SRGAP1: variants seen among roughly 807,000 people sequenced by gnomAD.
The protein encoded by SRGAP1 is SLIT-ROBO Rho GTPase-activating protein 1.
In SRGAP1, 43 loss-of-function variants were observed where a neutral mutation model predicts 121.9. The ratio of observed to expected loss-of-function variants is 0.35; its 90% CI spans 0.28 to 0.46. The LOEUF is 0.46. Ranked by LOEUF, SRGAP1 falls within the 20% of genes least tolerant of loss-of-function variation. The pLI is 1.00. For missense variants in SRGAP1, 1,102 were observed against 1,350.9 expected, an observed-to-expected ratio of 0.82 and a Z score of 2.89; for synonymous variants, 447 against 485.4, an observed-to-expected ratio of 0.92 and a Z score of 1.04.
intron 15 of SRGAP1, among the ~76,000 whole-genome samples, chr12:64,103,497 T>C (rs1261031342): frequency 2.0e-5 from 3 of 152,228 alleles, no homozygotes; most frequent in Admixed American, 2.0e-4. Flanking sequence ...TAAATTTATT[T>C]GCCTTTTCTG....
At chr12:64,006,380 C>G (rs1321484712) in intron 3 of SRGAP1, among the ~76,000 whole-genome samples, 1 of 152,178 alleles carries the variant, frequency 6.6e-6, no homozygotes, top group Non-Finnish European at 1.5e-5. Context: ...GCTCACATCT[C>G]TTACCCAGCT....
intron 3 of SRGAP1, among the ~76,000 whole-genome samples, chr12:64,006,685 T>C (rs1165842583): frequency 6.6e-6 from 1 of 152,162 alleles, no homozygotes; most frequent in African/African-American, 2.4e-5. Flanking sequence ...TATCCTATCA[T>C]GTGAGTTGTG....
At chr12:63,900,333 G>A (rs1900909142) in intron 1 of SRGAP1, among the ~76,000 whole-genome samples, 1 of 150,764 alleles carries the variant, frequency 6.6e-6, no homozygotes, top group South Asian at 2.1e-4. Flanking sequence ...AGCCTCCTGA[G>A]TAGCTGGGAC....
At chr12:64,115,515 T>C (rs907964501) in intron 17 of SRGAP1, among the ~76,000 whole-genome samples, 1 of 152,170 alleles carries the variant, frequency 6.6e-6, no homozygotes, top group Admixed American at 6.5e-5. Flanking sequence ...ATCCTGGCAC[T>C]TTGGGAGATC....
At chr12:63,891,686 C>G (rs1449486758) in intron 1 of SRGAP1, among the ~76,000 whole-genome samples, 1 of 151,632 alleles carries the variant, frequency 6.6e-6, no homozygotes, top group Admixed American at 6.6e-5. Flanking sequence ...ATCTATGTCC[C>G]CCTTGAAAAA....
intron 18 of SRGAP1, among the ~76,000 whole-genome samples, chr12:64,120,135 T>C (rs1349918455): frequency 6.6e-6 from 1 of 152,194 alleles, no homozygotes; most frequent in Non-Finnish European, 1.5e-5. Context: ...CTTGATCATT[T>C]TTTATAGTCT....
intron 6 of SRGAP1, among the ~76,000 whole-genome samples, chr12:64,053,297 A>C (rs1010004620): frequency 1.3e-5 from 2 of 152,202 alleles, no homozygotes; most frequent in African/African-American, 2.4e-5. Context: ...CATAGATAAT[A>C]AGTAAGCAAA....
chr12:63,996,427 T>G (rs1489079758), intron 3 of SRGAP1, among the ~76,000 whole-genome samples: 1 of 152,102 alleles, frequency 6.6e-6, no homozygotes, highest in Non-Finnish European at 1.5e-5. Context: ...CATTTAAATC[T>G]ATGATTTTTT....
chr12:64,056,025 T>A (rs2035333526), intron 6 of SRGAP1, among the ~76,000 whole-genome samples: 1 of 151,414 alleles, frequency 6.6e-6, no homozygotes, highest in Admixed American at 6.6e-5. Flanking sequence ...ACTATTTATA[T>A]CCATTCGCCC....
chr12:64,154,918 C>CCT lies in SRGAP1; in HGVS notation c.*12247_*12248insTC, dbSNP rs1157894142. On this transcript the variant is annotated 3_prime_UTR_variant, in exon 22 of 22. Transcript: ENST00000355086. ...GAGCAGCCAGGGCGGAGGAGGAAAACCAGGAGGAGCATGTAATGTGATCAG... is the reference window on the plus strand; with the variant it reads ...GAGCAGCCAGGGCGGAGGAGGAAAACCTCAGGAGGAGCATGTAATGTGATCAG... The CCT allele has an allele frequency of 2.6e-5, 4 of 152,238 alleles. No homozygotes were observed. Among genetic ancestry groups the CCT allele is most frequent in the Non-Finnish European group, 4.4e-5 (3 of 68,164 alleles). 9.4% of individuals were successfully genotyped at this position (152,238 alleles called of 1,614,324 possible). A position where few individuals can be genotyped will look rare whatever the true frequency, so the allele number is the denominator to read the frequency against.
chr12:64,056,291 A>G (rs2035338997), intron 6 of SRGAP1, among the ~76,000 whole-genome samples: 1 of 152,094 alleles, frequency 6.6e-6, no homozygotes, highest in Admixed American at 6.6e-5. Flanking sequence ...TTACACTCAT[A>G]TGTTCCAAAA....
chr12:63,948,301 C>T (rs2032116766), intron 1 of SRGAP1, among the ~76,000 whole-genome samples: 2 of 152,124 alleles, frequency 1.3e-5, no homozygotes, highest in Admixed American at 1.3e-4. Flanking sequence ...CACCCAGTCT[C>T]TCTTCCTTCC....
At position 64,149,073 on chromosome 12, in the gene SRGAP1, T is replaced by C. The variant is rs1026635855; in HGVS notation, c.*6401T>C. On this transcript the variant is annotated 3_prime_UTR_variant, in exon 22 of 22. Coordinates refer to ENST00000355086, the MANE Select transcript of SRGAP1 (RefSeq NM_020762.4). ...TACTGCTATATAGAATTCCATTACA[T>C]GAATATGCTCAATATTATATTTATT... 6.6e-6 allele frequency: 1 copy of C among 152,240 alleles called. No homozygotes were observed. Among genetic ancestry groups the C allele is most frequent in the Non-Finnish European group, 1.5e-5 (1 of 68,042 alleles). 9.4% of individuals were successfully genotyped at this position (152,240 alleles called of 1,614,324 possible). A position where few individuals can be genotyped will look rare whatever the true frequency, so the allele number is the denominator to read the frequency against.
chr12:64,155,670 G>GCA lies in SRGAP1; in HGVS notation c.*12999_*13000dup, dbSNP rs1414468524. On this transcript the variant is annotated 3_prime_UTR_variant, in exon 22 of 22. Transcript: ENST00000355086. ...CCCGCTCCGTCTCCCAGGCTGGAGT[G>GCA]CAGTGGCGCGACCTCGGCTCACCAC... The GCA allele has an allele frequency of 5.3e-5, 8 of 152,104 alleles. No homozygotes were observed. The highest frequency in any genetic ancestry group is 1.7e-4 in the African/African-American group (7 of 41,512). 9.4% of individuals were successfully genotyped at this position (152,104 alleles called of 1,614,324 possible).
At chr12:63,947,626 C>CT (rs2032092631) in intron 1 of SRGAP1, among the ~76,000 whole-genome samples, 1 of 147,318 alleles carries the variant, frequency 6.8e-6, no homozygotes, top group Non-Finnish European at 1.5e-5. Context: ...TTCTTTTCTG[C>CT]TGCATTGATC....
At chr12:63,892,725 A>C (rs1249628233) in intron 1 of SRGAP1, among the ~76,000 whole-genome samples, 1 of 151,910 alleles carries the variant, frequency 6.6e-6, no homozygotes, top group African/African-American at 2.4e-5. Context: ...CTGTCTCTCC[A>C]CTCTAAGCCA....
chr12:63,954,379 T>C (rs151187672), intron 1 of SRGAP1, among the ~76,000 whole-genome samples: 1,984 of 152,216 alleles, frequency 0.013, 20 homozygotes, highest in Non-Finnish European at 0.021. Flanking sequence ...CCCATCTTTC[T>C]CATTAAAAAG....
chr12:63,859,175 T>C (rs1248610687), intron 1 of SRGAP1, among the ~76,000 whole-genome samples: 1 of 152,172 alleles, frequency 6.6e-6, no homozygotes, highest in African/African-American at 2.4e-5. Flanking sequence ...AATCTTAAAG[T>C]AGTTTGTCTT....
At chr12:64,026,199 A>G (rs565988775) in intron 4 of SRGAP1, among the ~76,000 whole-genome samples, 9 of 152,352 alleles carry the variant, frequency 5.9e-5, no homozygotes, top group Admixed American at 5.9e-4. Flanking sequence ...TTTTATATCC[A>G]GAATCCTTCT....
Sources: allele counts gnomAD v4.1 joint callset (sites outside exome capture counted in the v4.1 genomes callset), GRCh38; gene constraint gnomAD v4.1.1; transcripts MANE v1.5; gene names NCBI Gene and HGNC (gene_info 2026-07-23, HGNC 2026-07-21).